The following ST8SIA6 variants were observed in gnomAD, a reference collection of about 807,000 sequenced individuals.
ST8SIA6 encodes the protein alpha-2,8-sialyltransferase 8F.
ST8SIA6 carries 39 observed loss-of-function variants against 33.6 expected under a neutral mutation model. The ratio of observed to expected loss-of-function variants is 1.16; its 90% CI spans 0.90 to 1.52. ST8SIA6 has a LOEUF of 1.52. Ranked by LOEUF, ST8SIA6 falls within the 40% of genes most tolerant of loss-of-function variation. The pLI, the probability that ST8SIA6 is intolerant of heterozygous loss-of-function variation, is 0.00. For synonymous variants in ST8SIA6, 172 were observed against 167.2 expected, an observed-to-expected ratio of 1.03 and a Z score of -0.22; for missense variants, 441 against 443.8, an observed-to-expected ratio of 0.99 and a Z score of 0.06.
chr10:17,367,607 T>C (rs1400900034), intron 3 of ST8SIA6, among the ~76,000 whole-genome samples: 2 of 152,212 alleles, frequency 1.3e-5, no homozygotes, highest in Non-Finnish European at 2.9e-5. Context: ...TTGAATTTCC[T>C]CTTGTCATAC....
chr10:17,393,320 C>T (rs1184100307), intron 2 of ST8SIA6, among the ~76,000 whole-genome samples: 4 of 152,194 alleles, frequency 2.6e-5, no homozygotes, highest in Admixed American at 2.6e-4. Flanking sequence ...GGGAGCTAAT[C>T]CCTCGTAATA....
intron 2 of ST8SIA6, among the ~76,000 whole-genome samples, chr10:17,450,871 A>G (rs1194117297): frequency 2.0e-5 from 3 of 151,982 alleles, no homozygotes; most frequent in Non-Finnish European, 4.4e-5. Context: ...TTTTGCCTGG[A>G]TTGAATATTT....
Position 17,327,129 on chromosome 10 carries a change from A to G in ST8SIA6, c.523-3T>C, listed in dbSNP as rs1222606403. On this transcript the variant is annotated splice_region_variant and splice_polypyrimidine_tract_variant and intron_variant, in intron 5 of 7. Transcript: ENST00000377602. ...GGGTAGTCCACAAAAGGCTGGGACT[A>G]GCAGGAGAAAGTGGAAAACTACCAT... The G allele has an allele frequency of 1.3e-6, 2 of 1,590,092 alleles. No homozygotes were observed. Among genetic ancestry groups the G allele is most frequent in the Non-Finnish European group, 8.5e-7 (1 of 1,170,532 alleles).
intron 3 of ST8SIA6, among the ~76,000 whole-genome samples, chr10:17,381,835 A>T (rs1234595043): frequency 6.6e-6 from 1 of 152,236 alleles, no homozygotes; most frequent in Admixed American, 6.5e-5. Flanking sequence ...CATAACTTCT[A>T]ATCCTGTGGC....
chr10:17,421,824 C>T (rs1341787338), intron 2 of ST8SIA6, among the ~76,000 whole-genome samples: 2 of 152,178 alleles, frequency 1.3e-5, no homozygotes, highest in East Asian at 3.9e-4. Flanking sequence ...TCTTTGGCTT[C>T]ACAAAGTACT....
chr10:17,337,575 A>G (rs543923850), intron 4 of ST8SIA6, among the ~76,000 whole-genome samples: 1 of 152,346 alleles, frequency 6.6e-6, no homozygotes, highest in African/African-American at 2.4e-5. Flanking sequence ...CGGAGTGATA[A>G]GCATATGCTC....
intron 2 of ST8SIA6, among the ~76,000 whole-genome samples, chr10:17,443,140 C>T (rs2131739837): frequency 6.6e-6 from 1 of 152,242 alleles, no homozygotes; most frequent in South Asian, 2.1e-4. Context: ...AACAGTAAAG[C>T]AACATTGGCA....
At chr10:17,448,916 G>A (rs866981086) in intron 2 of ST8SIA6, among the ~76,000 whole-genome samples, 6 of 150,480 alleles carry the variant, frequency 4.0e-5, no homozygotes, top group South Asian at 2.1e-4. Flanking sequence ...CATTGCGCCC[G>A]GCCGGCAGGG....
At chr10:17,345,582 G>T (rs561558585) in intron 4 of ST8SIA6, among the ~76,000 whole-genome samples, 1 of 150,086 alleles carries the variant, frequency 6.7e-6, no homozygotes, top group African/African-American at 2.5e-5. Context: ...GAGAGAGAGA[G>T]CATAGAATGT....
At chr10:17,453,449 G>A in intron 2 of ST8SIA6, 110 bp downstream of exon 2, 1 of 805,570 alleles carries the variant, frequency 1.2e-6, no homozygotes, top group Non-Finnish European at 1.7e-6. Context: ...ACACTCACTC[G>A]CGCCGTCCCA....
At chr10:17,400,945 G>A (rs1588889133) in intron 2 of ST8SIA6, among the ~76,000 whole-genome samples, 1 of 152,252 alleles carries the variant, frequency 6.6e-6, no homozygotes, top group East Asian at 1.9e-4. Context: ...TCAGGCAGGA[G>A]AAAGAAATAA....
rs1362399546 is a variant in ST8SIA6, at chr10:17,318,021, T to C, written c.*2857A>G. On this transcript the variant is annotated 3_prime_UTR_variant, in exon 8 of 8. Coordinates refer to ENST00000377602, the MANE Select transcript of ST8SIA6 (RefSeq NM_001004470.3). ...CCTTTGCAGGGACCACAGAGTACTATGGACTATATACTTAAATGAATATTT... is the reference window on the plus strand; with the variant it reads ...CCTTTGCAGGGACCACAGAGTACTACGGACTATATACTTAAATGAATATTT... Among the ~76,000 whole-genome samples the C allele has an allele frequency of 6.6e-6, 1 of 152,216 alleles. No homozygotes were observed. Among genetic ancestry groups the C allele is most frequent in the African/African-American group, 2.4e-5 (1 of 41,464 alleles).
chr10:17,331,381 A>C lies in ST8SIA6; in HGVS notation c.522+27T>G, dbSNP rs187298877. The C allele has an allele frequency of 1.5e-3, 2,402 of 1,589,746 alleles. 4 individuals carry two copies. The highest frequency in any genetic ancestry group is 1.8e-3 in the Non-Finnish European group (2,111 of 1,171,436). On this transcript the variant is annotated intron_variant, in intron 5 of 7. Coordinates refer to ENST00000377602, the MANE Select transcript of ST8SIA6 (RefSeq NM_001004470.3). ...AAAATTCACCTGGAATGGTAACACA[A>C]ATAACCCACCAGAAACCTTTACTCA...
chr10:17,448,932 T>C (rs1345887380), intron 2 of ST8SIA6, among the ~76,000 whole-genome samples: 1 of 151,504 alleles, frequency 6.6e-6, no homozygotes, highest in African/African-American at 2.4e-5. Context: ...CAGGGTTTTA[T>C]TGAGCTTCTT....
chr10:17,409,569 C>T (rs527997376), intron 2 of ST8SIA6: 1 of 151,148 alleles, frequency 6.6e-6, no homozygotes, highest in South Asian at 2.1e-4. Flanking sequence ...CCTGCCTATA[C>T]CAAAAAAAAA....
At chr10:17,323,229 G>GCGCACGTGCACACA in intron 6 of ST8SIA6, 72 bp from the exon 7 acceptor site, 1 of 793,956 alleles carries the variant, frequency 1.3e-6, no homozygotes, top group East Asian at 2.8e-5. Flanking sequence ...ACATATGCGC[G>GCGCACGTGCACACA]CACACACACA....
intron 2 of ST8SIA6, among the ~76,000 whole-genome samples, chr10:17,391,137 C>T (rs1171347150): frequency 6.6e-6 from 1 of 152,088 alleles, no homozygotes; most frequent in Non-Finnish European, 1.5e-5. Flanking sequence ...GGATTACAGG[C>T]GTGAGCCATC....
chr10:17,322,120 GAGAGGA>G (rs983059404), intron 7 of ST8SIA6, among the ~76,000 whole-genome samples: 14 of 148,952 alleles, frequency 9.4e-5, no homozygotes, highest in East Asian at 2.0e-4. Context: ...GAGAGAGAGA[GAGAGGA>G]AGGAAGGAAG....
chr10:17,325,654 C>T (rs1040085118), intron 6 of ST8SIA6, among the ~76,000 whole-genome samples: 1 of 151,866 alleles, frequency 6.6e-6, no homozygotes, highest in African/African-American at 2.4e-5. Flanking sequence ...ACCTGAAGCA[C>T]CAAAATAAGT....
Sources: gnomAD v4.1 joint callset for allele counts (sites outside exome capture counted in the v4.1 genomes callset) on GRCh38, gnomAD v4.1.1 for gene constraint, MANE v1.5 for transcripts, NCBI Gene and HGNC (gene_info 2026-07-23, HGNC 2026-07-21) for gene names.